TP63: variants seen among roughly 807,000 people sequenced by gnomAD.
TP63 encodes the protein tumor protein 63.
A neutral mutation model predicts 82.8 loss-of-function variants in TP63; 17 were observed. The ratio of observed to expected loss-of-function variants is 0.21; its 90% CI spans 0.14 to 0.31. The LOEUF is 0.31. Among genes scored for constraint, TP63 ranks in the 10% least tolerant of loss-of-function variants. TP63 has a pLI of 1.00. For synonymous variants in TP63, 330 were observed against 321.7 expected (o/e 1.03, Z -0.28); for missense variants, 648 against 895.3 (o/e 0.72, Z 3.52).
At chr3:189,710,944 A>G (rs983227922) in intron 1 of TP63, among the ~76,000 whole-genome samples, 2 of 152,158 alleles carry the variant, frequency 1.3e-5, no homozygotes, top group Non-Finnish European at 2.9e-5. Flanking sequence ...TTAACAGCAC[A>G]CTCATCAAAC....
At chr3:189,730,367 G>C (rs977807366) in intron 1 of TP63, among the ~76,000 whole-genome samples, 3 of 152,008 alleles carry the variant, frequency 2.0e-5, no homozygotes, top group Non-Finnish European at 4.4e-5. Context: ...TGGTCATATC[G>C]TGGAAAAAGG....
chr3:189,864,083 G>A (rs967007200), intron 4 of TP63, 149 bp from the exon 5 acceptor site: 41 of 978,174 alleles, frequency 4.2e-5, no homozygotes, highest in Non-Finnish European at 5.9e-5. Context: ...TAATAACATT[G>A]ACATACGTCA....
chr3:189,678,820 ACCT>A (rs1577225592), intron 1 of TP63, among the ~76,000 whole-genome samples: 2 of 151,526 alleles, frequency 1.3e-5, no homozygotes, highest in East Asian at 3.9e-4. Flanking sequence ...GAGACCTTTC[ACCT>A]CCTTGGTTAA....
intron 1 of TP63, among the ~76,000 whole-genome samples, chr3:189,683,754 T>C (rs937241109): frequency 5.3e-5 from 8 of 152,196 alleles, no homozygotes; most frequent in African/African-American, 1.9e-4. Flanking sequence ...CATGAAGTCA[T>C]TGCAGTAGCC....
At chr3:189,644,810 T>C (rs1439777478) in intron 1 of TP63, among the ~76,000 whole-genome samples, 1 of 152,224 alleles carries the variant, frequency 6.6e-6, no homozygotes, top group African/African-American at 2.4e-5. Context: ...TTATTTCTCT[T>C]AAAATAATGG....
At chr3:189,733,220 G>A (rs1455961575) in intron 1 of TP63, among the ~76,000 whole-genome samples, 1 of 152,120 alleles carries the variant, frequency 6.6e-6, no homozygotes. Context: ...TGGAAATAAG[G>A]GAAATTATAG....
chr3:189,746,960 C>T (rs900981142), intron 3 of TP63, among the ~76,000 whole-genome samples: 2 of 150,778 alleles, frequency 1.3e-5, no homozygotes, highest in Admixed American at 6.6e-5. Flanking sequence ...ACTAGCTATA[C>T]TTCCGTCAGA....
chr3:189,629,513 T>C (rs1383262807), upstream of TP63, among the ~76,000 whole-genome samples: 2 of 152,166 alleles, frequency 1.3e-5, no homozygotes, highest in South Asian at 2.1e-4. Flanking sequence ...ATTTAAAATA[T>C]TTAGAAGAGT....
At chr3:189,621,715 T>A in the TP63 span, among the ~76,000 whole-genome samples, 2 of 151,976 alleles carry the variant, frequency 1.3e-5, no homozygotes, top group Non-Finnish European at 2.9e-5. Flanking sequence ...AAAGAAGGAT[T>A]TTTTTTTACT....
chr3:189,617,307 G>T, the TP63 span, among the ~76,000 whole-genome samples: 4 of 152,212 alleles, frequency 2.6e-5, no homozygotes, highest in African/African-American at 9.7e-5. Flanking sequence ...AAGAGCAGAA[G>T]AGTTAACATG....
chr3:189,693,490 G>C (rs929526122), intron 1 of TP63, among the ~76,000 whole-genome samples: 14 of 152,154 alleles, frequency 9.2e-5, no homozygotes, highest in African/African-American at 3.4e-4. Flanking sequence ...TTTGTGGAAT[G>C]ATAATAGCTA....
intron 1 of TP63, among the ~76,000 whole-genome samples, chr3:189,689,322 G>A (rs1716729605): frequency 6.6e-6 from 1 of 151,550 alleles, no homozygotes; most frequent in African/African-American, 2.4e-5. Flanking sequence ...CATCATGTTG[G>A]TCAGGCTAGT....
chr3:189,645,692 T>C (rs138526037), intron 1 of TP63, among the ~76,000 whole-genome samples: 3,430 of 146,456 alleles, frequency 0.023, 484 homozygotes, highest in African/African-American at 0.081. Context: ...TGTGTGATGT[T>C]CCCTGCCCTG....
intron 1 of TP63, among the ~76,000 whole-genome samples, chr3:189,723,835 CT>C (rs928217529): frequency 6.6e-6 from 1 of 152,070 alleles, no homozygotes; most frequent in African/African-American, 2.4e-5. Flanking sequence ...TTTTATGTTT[CT>C]TTTTGTATTG....
chr3:189,676,277 T>C (rs909161183), intron 1 of TP63, among the ~76,000 whole-genome samples: 2 of 152,128 alleles, frequency 1.3e-5, no homozygotes, highest in Non-Finnish European at 2.9e-5. Flanking sequence ...TCATCCTGCA[T>C]AACTGAAACA....
chr3:189,890,139 A>G (rs1720866037), intron 12 of TP63, among the ~76,000 whole-genome samples: 1 of 152,082 alleles, frequency 6.6e-6, no homozygotes, highest in African/African-American at 2.4e-5. Context: ...GTGCAGAATG[A>G]TTGTTTCATT....
intron 1 of TP63, among the ~76,000 whole-genome samples, chr3:189,717,877 A>G (rs1719080315): frequency 6.6e-6 from 1 of 152,258 alleles, no homozygotes; most frequent in Non-Finnish European, 1.5e-5. Flanking sequence ...CAGGAAACAT[A>G]TTAAATGCAA....
At chr3:189,816,492 T>C (rs1444226435) in intron 4 of TP63, among the ~76,000 whole-genome samples, 5 of 152,136 alleles carry the variant, frequency 3.3e-5, no homozygotes, top group African/African-American at 1.2e-4. Context: ...TCATGAAAAG[T>C]CCTCAGCAGT....
At chr3:189,843,703 G>A (rs565080438) in intron 4 of TP63, among the ~76,000 whole-genome samples, 9 of 152,080 alleles carry the variant, frequency 5.9e-5, no homozygotes, top group African/African-American at 1.9e-4. Flanking sequence ...CCTTTGATGT[G>A]GATACAGTCT....
Sources: gnomAD v4.1 joint callset for allele counts (sites outside exome capture counted in the v4.1 genomes callset) on GRCh38, gnomAD v4.1.1 for gene constraint, MANE v1.5 for transcripts, NCBI Gene and HGNC (gene_info 2026-07-23, HGNC 2026-07-21) for gene names.